Variants in CDCP1 observed in about 807,000 individuals in gnomAD.
CDCP1 encodes CUB domain-containing protein 1.
A neutral mutation model predicts 60.2 loss-of-function variants in CDCP1; 29 were observed. That is an observed-to-expected ratio of 0.48 (90% CI 0.36 to 0.66). The LOEUF (loss-of-function observed/expected upper bound fraction) is 0.66. Among genes scored for constraint, CDCP1 ranks in the 30% least tolerant of loss-of-function variants. The pLI, the probability that CDCP1 is intolerant of heterozygous loss-of-function variation, is 0.00. For synonymous variants in CDCP1, 387 were observed against 431.1 expected (o/e 0.90, Z 1.27); for missense variants, 876 against 1,074.3 (o/e 0.82, Z 2.58).
chr3:45,085,643 C>T lies in CDCP1; in HGVS notation c.2506G>A (p.Glu836Lys). Residue 836 changes from glutamate to lysine, a missense_variant, in exon 9 of 9, where the codon GAA (glutamate) becomes AAA (lysine). Glu to Lys is a moderately conservative substitution (Grantham distance 56). This residue lies in a region of CDCP1 where 726 missense variants were observed against 935.7 expected (regional missense o/e 0.78). Coordinates refer to ENST00000296129, the MANE Select transcript of CDCP1 (RefSeq NM_022842.5). This position sits in a 1 kb window ranked among gnomAD's most constrained non-coding sequence, Gnocchi z 4.2. ...AGCGTCTGGAATGGATCAAGTTATT[C>T]TGCTGGCTCCATGGGCTCCTGAGTG... ...LNTQEPMEPAE is the reference protein window; with the variant it reads ...LNTQEPMEPAK 3.7e-6 allele frequency: 6 copies of T among 1,610,194 alleles called. No homozygotes were observed. Among genetic ancestry groups the T allele is most frequent in the Non-Finnish European group, 5.1e-6 (6 of 1,177,260 alleles).
intron 2 of CDCP1, among the ~76,000 whole-genome samples, chr3:45,114,898 T>C (rs1382932545): frequency 6.6e-6 from 1 of 152,226 alleles, no homozygotes; most frequent in African/African-American, 2.4e-5. Context: ...TTTTCAAAAG[T>C]TGTGAGCATG....
At chr3:45,121,691 G>C (rs1369028869) in intron 1 of CDCP1, among the ~76,000 whole-genome samples, 2 of 152,168 alleles carry the variant, frequency 1.3e-5, no homozygotes, top group African/African-American at 4.8e-5. Context: ...AGAGGGAATG[G>C]AGTACCAGGG....
chr3:45,120,393 T>C (rs1698862929), intron 1 of CDCP1, among the ~76,000 whole-genome samples: 1 of 152,204 alleles, frequency 6.6e-6, no homozygotes, highest in African/African-American at 2.4e-5. Context: ...GTTTGCCTTT[T>C]GACCTCACTT....
intron 1 of CDCP1, among the ~76,000 whole-genome samples, chr3:45,124,591 G>A (rs1214302779): frequency 6.6e-6 from 1 of 152,102 alleles, no homozygotes; most frequent in Non-Finnish European, 1.5e-5. Context: ...TCCACTTATG[G>A]CCAAAATAGC....
At chr3:45,113,175 T>G (rs1334988449) in intron 2 of CDCP1, among the ~76,000 whole-genome samples, 1 of 152,198 alleles carries the variant, frequency 6.6e-6, no homozygotes, top group Non-Finnish European at 1.5e-5. Context: ...GGTTTCCCCA[T>G]CAACACATTC....
intron 4 of CDCP1, among the ~76,000 whole-genome samples, chr3:45,103,795 T>C (rs1698521486): frequency 2.6e-5 from 4 of 152,202 alleles, no homozygotes; most frequent in Admixed American, 2.6e-4. Flanking sequence ...AGCAAGAGGC[T>C]CTCACCAGAA....
In CDCP1 at chr3:45,084,700, T is replaced by C. The variant is rs1219997485; in HGVS notation, c.*938A>G. On this transcript the variant is annotated 3_prime_UTR_variant, in exon 9 of 9. Transcript: ENST00000296129. ...ATCCCCAGGACTATAAGCTAATGTG[T>C]TGTTTTTAAGCTACCAAGTAATAGG... 2 of 152,650 alleles carry C rather than the reference T, an allele frequency of 1.3e-5. No homozygotes were observed. The highest frequency in any genetic ancestry group is 1.9e-4 in the East Asian group (1 of 5,200). 9.5% of individuals were successfully genotyped at this position (152,650 alleles called of 1,614,324 possible). A position where few individuals can be genotyped will look rare whatever the true frequency, so the allele number is the denominator to read the frequency against.
At chr3:45,089,030 A>G in intron 8 of CDCP1, 24 bp downstream of exon 8, 2 of 1,585,826 alleles carry the variant, frequency 1.3e-6, no homozygotes, top group Non-Finnish European at 1.7e-6. Context: ...AAATCAGATA[A>G]AGAGAGTAAG....
intron 1 of CDCP1, among the ~76,000 whole-genome samples, chr3:45,130,538 G>A (rs952473334): frequency 3.3e-5 from 5 of 152,146 alleles, no homozygotes; most frequent in African/African-American, 2.4e-5. Context: ...CTTCTGAGTC[G>A]ATCTTTGTGC....
intron 1 of CDCP1, among the ~76,000 whole-genome samples, chr3:45,142,820 G>A (rs1293332701): frequency 6.7e-6 from 1 of 149,420 alleles, no homozygotes; most frequent in Middle Eastern, 3.7e-3. Context: ...CTTCCAGAAC[G>A]TGGAAATGCG....
Position 45,093,313 on chromosome 3 carries a change from G to A in CDCP1, c.1591C>T (p.Gln531Ter), listed in dbSNP as rs1461309974. 2 of 1,614,106 alleles carry A rather than the reference G, an allele frequency of 1.2e-6. No homozygotes were observed. Among genetic ancestry groups the A allele is most frequent in the Admixed American group, 3.3e-5 (2 of 60,010 alleles). Residue 531 changes from glutamine to a stop codon, truncating the protein, a stop_gained, in exon 6 of 9, where the codon CAG becomes TAG. Transcript: ENST00000296129. LOFTEE classifies it high-confidence loss of function. ...APSFQQEASR[Q>*]GLTVSFIPYF... ...GGTATAAAGGACACCGTCAGACCCT[G>A]CCTGGAGGCCTCTTGTTGGAAGCTG...
At chr3:45,102,485 T>C (rs1358386394) in intron 4 of CDCP1, among the ~76,000 whole-genome samples, 1 of 151,974 alleles carries the variant, frequency 6.6e-6, no homozygotes, top group Non-Finnish European at 1.5e-5. Flanking sequence ...TCTTAACCTT[T>C]CGATATATAT....
At chr3:45,125,806 A>C (rs1698969762) in intron 1 of CDCP1, among the ~76,000 whole-genome samples, 1 of 152,168 alleles carries the variant, frequency 6.6e-6, no homozygotes, top group Non-Finnish European at 1.5e-5. Context: ...TGCCTCCTTA[A>C]ATTCTGCACA....
intron 1 of CDCP1, among the ~76,000 whole-genome samples, chr3:45,144,434 T>C (rs1217600641): frequency 6.6e-6 from 1 of 151,858 alleles, no homozygotes; most frequent in African/African-American, 2.4e-5. Context: ...CCTGAGACCA[T>C]AGGGAGGAAC....
chr3:45,126,838 T>C (rs1490793839), intron 1 of CDCP1, among the ~76,000 whole-genome samples: 1 of 152,240 alleles, frequency 6.6e-6, no homozygotes, highest in African/African-American at 2.4e-5. Flanking sequence ...AAGTAGGTTC[T>C]AATATTAAAC....
At chr3:45,126,127 TTTCTTTCTTTC>T (rs1559398808) in intron 1 of CDCP1, among the ~76,000 whole-genome samples, 1 of 128,030 alleles carries the variant, frequency 7.8e-6, no homozygotes, top group South Asian at 2.6e-4. Context: ...TCTTTCTTTC[TTTCTTTCTTTC>T]TTTCTTTCTT....
intron 1 of CDCP1, among the ~76,000 whole-genome samples, chr3:45,124,709 C>G (rs952565420): frequency 1.3e-5 from 2 of 152,192 alleles, no homozygotes; most frequent in Non-Finnish European, 2.9e-5. Context: ...GCTTTTCAGA[C>G]TGAGCATCAG....
At chr3:45,102,642 TAAAAA>T (rs770440044) in intron 4 of CDCP1, among the ~76,000 whole-genome samples, 1 of 122,290 alleles carries the variant, frequency 8.2e-6, no homozygotes. Context: ...CTGTTTCTAC[TAAAAA>T]AAAAAAAAAA....
At chr3:45,128,647 C>G (rs2126005144) in intron 1 of CDCP1, among the ~76,000 whole-genome samples, 1 of 152,350 alleles carries the variant, frequency 6.6e-6, no homozygotes, top group Non-Finnish European at 1.5e-5. Flanking sequence ...TACATTCATT[C>G]ACTCCCTACT....
Sources: allele counts gnomAD v4.1 joint callset (sites outside exome capture counted in the v4.1 genomes callset), GRCh38; gene constraint gnomAD v4.1.1; regional missense constraint gnomAD v4.1.1; non-coding constraint Gnocchi (gnomAD v3.1); transcripts MANE v1.5; gene names NCBI Gene and HGNC (gene_info 2026-07-23, HGNC 2026-07-21).